Variants in CACNB2 observed in about 807,000 individuals in gnomAD.
CACNB2 encodes the protein voltage-dependent L-type calcium channel subunit beta-2.
A neutral mutation model predicts 73.3 loss-of-function variants in CACNB2; 42 were observed. That is an observed-to-expected ratio of 0.57 (90% CI 0.45 to 0.74). The LOEUF is 0.74. Among genes scored for constraint, CACNB2 ranks in the 30% least tolerant of loss-of-function variants. The pLI is 0.00. For missense variants in CACNB2, 940 were observed against 853.0 expected (o/e 1.10, Z -1.27); for synonymous variants, 348 against 310.3 (o/e 1.12, Z -1.28).
At chr10:18,390,284 C>A (rs1014517873) in intron 2 of CACNB2, among the ~76,000 whole-genome samples, 3 of 152,250 alleles carry the variant, frequency 2.0e-5, no homozygotes, top group Admixed American at 2.0e-4. Context: ...ATGATCTTGG[C>A]TCACTGCAAC....
intron 2 of CACNB2, among the ~76,000 whole-genome samples, chr10:18,318,938 C>G (rs189666597): frequency 1.3e-5 from 2 of 152,254 alleles, no homozygotes; most frequent in East Asian, 3.9e-4. Context: ...ATTAAAAAGT[C>G]AGGAAACAAT....
intron 6 of CACNB2, among the ~76,000 whole-genome samples, chr10:18,512,477 T>A (rs1278163918): frequency 6.6e-6 from 1 of 152,208 alleles, no homozygotes; most frequent in Non-Finnish European, 1.5e-5. Context: ...TTCTCAAATG[T>A]CTGTTGCAAT....
At chr10:18,399,455 AC>A (rs1469080004) in intron 2 of CACNB2, among the ~76,000 whole-genome samples, 1 of 151,864 alleles carries the variant, frequency 6.6e-6, no homozygotes, top group Non-Finnish European at 1.5e-5. Flanking sequence ...TCATTCTGAA[AC>A]CCCTATTCTA....
chr10:18,147,206 G>A (rs1224163646), intron 1 of CACNB2, among the ~76,000 whole-genome samples: 4 of 152,058 alleles, frequency 2.6e-5, no homozygotes, highest in Non-Finnish European at 4.4e-5. Flanking sequence ...AAGTTACTTC[G>A]TGTCAAGGAA....
intron 2 of CACNB2, among the ~76,000 whole-genome samples, chr10:18,266,998 A>ATG (rs1184987293): frequency 1.7e-3 from 255 of 151,924 alleles, no homozygotes; most frequent in Admixed American, 5.7e-3. Context: ...TATATATACT[A>ATG]TGTGTGTGTG....
intron 2 of CACNB2, among the ~76,000 whole-genome samples, chr10:18,377,440 A>G (rs2042845826): frequency 1.3e-5 from 2 of 152,246 alleles, no homozygotes; most frequent in Non-Finnish European, 2.9e-5. Context: ...CTTTGAGGCC[A>G]TAAGATCTGT....
At chr10:18,501,049 G>A (rs961123838) in intron 5 of CACNB2, 101 bp downstream of exon 5, 31 of 1,188,764 alleles carry the variant, frequency 2.6e-5, no homozygotes, top group Middle Eastern at 3.8e-4. Context: ...GTATTAACAA[G>A]GAGGCTGGTA....
intron 1 of CACNB2, among the ~76,000 whole-genome samples, chr10:18,146,735 C>G (rs1187035903): frequency 6.6e-6 from 1 of 152,102 alleles, no homozygotes; most frequent in Non-Finnish European, 1.5e-5. Context: ...TTCCCTCTGC[C>G]TCTACCTCCC....
At chr10:18,379,015 A>T (rs1207917060) in intron 2 of CACNB2, among the ~76,000 whole-genome samples, 1 of 152,026 alleles carries the variant, frequency 6.6e-6, no homozygotes, top group African/African-American at 2.4e-5. Context: ...GCAGACTTTT[A>T]TTGTAATGCA....
At chr10:18,425,672 C>CA (rs775145239) in intron 3 of CACNB2, among the ~76,000 whole-genome samples, 14 of 152,028 alleles carry the variant, frequency 9.2e-5, no homozygotes, top group Non-Finnish European at 1.9e-4. Flanking sequence ...TGTCTCAAAA[C>CA]AAAACAAAAC....
intron 2 of CACNB2, among the ~76,000 whole-genome samples, chr10:18,338,358 G>GA (rs1457488147): frequency 6.6e-6 from 1 of 152,196 alleles, no homozygotes; most frequent in African/African-American, 2.4e-5. Flanking sequence ...AAATCACAAT[G>GA]AAATACTAGT....
chr10:18,442,954 A>ATGTG (rs1303420418), intron 3 of CACNB2, among the ~76,000 whole-genome samples: 1 of 17,578 alleles, frequency 5.7e-5, no homozygotes, highest in Non-Finnish European at 9.0e-5. Flanking sequence ...GTATATATAT[A>ATGTG]TATGTATATA....
At chr10:18,299,707 T>G (rs2039430818) in intron 2 of CACNB2, among the ~76,000 whole-genome samples, 1 of 152,012 alleles carries the variant, frequency 6.6e-6, no homozygotes, top group South Asian at 2.1e-4. Context: ...TCAGACCCTG[T>G]CTCAAAAAAT....
At chr10:18,242,030 T>C (rs1277621333) in intron 2 of CACNB2, among the ~76,000 whole-genome samples, 2 of 151,950 alleles carry the variant, frequency 1.3e-5, no homozygotes, top group African/African-American at 2.4e-5. Context: ...TTCTAGTACA[T>C]AGTCAAGTAA....
intron 3 of CACNB2, among the ~76,000 whole-genome samples, chr10:18,405,782 A>G (rs1652296371): frequency 6.6e-6 from 1 of 152,072 alleles, no homozygotes; most frequent in Non-Finnish European, 1.5e-5. Flanking sequence ...ACATGGTGAA[A>G]CGCTGTCTCT....
intron 2 of CACNB2, among the ~76,000 whole-genome samples, chr10:18,306,639 G>T (rs140253868): frequency 6.6e-6 from 1 of 152,200 alleles, no homozygotes. Context: ...CCAGCAATTT[G>T]CAGTAACCCC....
At chr10:18,424,250 T>G (rs112586299) in intron 3 of CACNB2, among the ~76,000 whole-genome samples, 1 of 152,112 alleles carries the variant, frequency 6.6e-6, no homozygotes, top group Non-Finnish European at 1.5e-5. Flanking sequence ...ACTGAAGAAG[T>G]GTTACAGCTC....
chr10:18,244,985 G>A (rs937214604), intron 2 of CACNB2, among the ~76,000 whole-genome samples: 1 of 152,140 alleles, frequency 6.6e-6, no homozygotes, highest in Non-Finnish European at 1.5e-5. Context: ...TTGAAGTTGT[G>A]GAGGGGCCAT....
At chr10:18,199,691 G>A (rs1474090232) in intron 2 of CACNB2, among the ~76,000 whole-genome samples, 1 of 152,044 alleles carries the variant, frequency 6.6e-6, no homozygotes, top group East Asian at 1.9e-4. Flanking sequence ...CTTTGATTAG[G>A]GTAATCATCT....
Sources: gnomAD v4.1 joint callset for allele counts (sites outside exome capture counted in the v4.1 genomes callset) on GRCh38, gnomAD v4.1.1 for gene constraint, MANE v1.5 for transcripts, NCBI Gene and HGNC (gene_info 2026-07-23, HGNC 2026-07-21) for gene names.